AGAP1: variants seen among roughly 807,000 people sequenced by gnomAD.
AGAP1 encodes arf-GAP with GTPase, ANK repeat and PH domain-containing protein 1.
A neutral mutation model predicts 105.3 loss-of-function variants in AGAP1; 29 were observed. The observed-to-expected ratio is 0.28, with a 90% CI of 0.21 to 0.38. AGAP1 has a LOEUF of 0.38. AGAP1 is among the 10% of genes least tolerant of loss of function. AGAP1 has a pLI of 1.00. For synonymous variants in AGAP1, 509 were observed against 485.9 expected, an observed-to-expected ratio of 1.05 and a Z score of -0.63; for missense variants, 998 against 1,165.1, an observed-to-expected ratio of 0.86 and a Z score of 2.09.
intron 16 of AGAP1, among the ~76,000 whole-genome samples, chr2:236,102,750 C>T (rs917979727): frequency 6.6e-6 from 1 of 151,936 alleles, no homozygotes; most frequent in Non-Finnish European, 1.5e-5. Context: ...GTGTCACTGG[C>T]GATTTTTCCT....
At chr2:235,956,223 C>T (rs2053942850) in intron 12 of AGAP1, among the ~76,000 whole-genome samples, 1 of 152,170 alleles carries the variant, frequency 6.6e-6, no homozygotes, top group Non-Finnish European at 1.5e-5. Flanking sequence ...AAAATGATTT[C>T]ATTTCCACCT....
chr2:235,818,500 T>G (rs1255721742), intron 9 of AGAP1, among the ~76,000 whole-genome samples: 1 of 152,194 alleles, frequency 6.6e-6, no homozygotes, highest in Non-Finnish European at 1.5e-5. Flanking sequence ...TAGAGTGCAA[T>G]GGCATGATCT....
intron 1 of AGAP1, among the ~76,000 whole-genome samples, chr2:235,652,232 C>A (rs999432851): frequency 6.6e-6 from 1 of 152,136 alleles, no homozygotes; most frequent in Non-Finnish European, 1.5e-5. Flanking sequence ...GGGAGCAGCC[C>A]ACCTGTCACT....
At position 235,905,392 on chromosome 2, in the gene AGAP1, A is replaced by G. The variant is rs1419304895; in HGVS notation, c.1156-3346A>G. On this transcript the variant is annotated intron_variant, in intron 10 of 17. Transcript: ENST00000304032. The surrounding 1 kb of genome is among the most constrained non-coding windows in gnomAD (Gnocchi z 4.2). ...CTTTGGTTTGGAAAGTTGGGTTTGC[A>G]TATTTTCAGTGGATATTAATGGAAG... Among the ~76,000 whole-genome samples the G allele has an allele frequency of 6.6e-6, 1 of 152,230 alleles. No homozygotes were observed. The highest frequency in any genetic ancestry group is 1.9e-4 in the East Asian group (1 of 5,194).
At chr2:235,802,322 A>G (rs1957533391) in intron 8 of AGAP1, among the ~76,000 whole-genome samples, 2 of 152,232 alleles carry the variant, frequency 1.3e-5, no homozygotes, top group African/African-American at 4.8e-5. Flanking sequence ...ACTCATTGTT[A>G]CAGTGACCAA....
rs938115035 is a variant in AGAP1, at chr2:236,001,231, G to A, written c.1645+32608G>A. 1.3e-5 allele frequency among the ~76,000 whole-genome samples: 2 copies of A among 152,230 alleles called. No homozygotes were observed. The highest frequency in any genetic ancestry group is 2.9e-5 in the Non-Finnish European group (2 of 68,038). ...GAAACCAAGAGAAAGGAAAGGGACAGGTCCTCCGGGGAGCCTTCATGGGGA... is the reference window on the plus strand; with the variant it reads ...GAAACCAAGAGAAAGGAAAGGGACAAGTCCTCCGGGGAGCCTTCATGGGGA... On this transcript the variant is annotated intron_variant, in intron 13 of 17. Coordinates refer to ENST00000304032, the MANE Select transcript of AGAP1 (RefSeq NM_001037131.3). This position sits in a 1 kb window ranked among gnomAD's most constrained non-coding sequence, Gnocchi z 4.7.
Position 235,608,001 on chromosome 2 carries a change from C to T in AGAP1, c.164-101178C>T, listed in dbSNP as rs1481378268. On this transcript the variant is annotated intron_variant, in intron 1 of 17. Transcript: ENST00000304032. The surrounding 1 kb of genome is among the most constrained non-coding windows in gnomAD (Gnocchi z 5.4). ...GGAAGTGCCTCAAGTGAGCGAGTGC[C>T]TGCTGTCTCAGACATGAGGTGGATG... Among the ~76,000 whole-genome samples, 1 of 152,174 alleles carries T rather than the reference C, an allele frequency of 6.6e-6. No individual in the cohort carries two copies. Among genetic ancestry groups the T allele is most frequent in the Non-Finnish European group, 1.5e-5 (1 of 68,044 alleles).
chr2:235,832,593 A>G (rs557735991), intron 9 of AGAP1, among the ~76,000 whole-genome samples: 54 of 152,374 alleles, frequency 3.5e-4, no homozygotes, highest in South Asian at 3.3e-3. Flanking sequence ...TCTAGACTTC[A>G]TTGCAGCTAA....
intron 1 of AGAP1, among the ~76,000 whole-genome samples, chr2:235,687,774 A>G (rs987192513): frequency 1.3e-5 from 2 of 152,146 alleles, no homozygotes; most frequent in African/African-American, 4.8e-5. Context: ...GAGGAAGGTC[A>G]GATAATTTAA....
chr2:236,005,321 G>T lies in AGAP1; in HGVS notation c.1646-31240G>T, dbSNP rs1462110409. Among the ~76,000 whole-genome samples, 1 of 151,566 alleles carries T rather than the reference G, an allele frequency of 6.6e-6. No homozygotes were observed. The highest frequency in any genetic ancestry group is 2.4e-5 in the African/African-American group (1 of 41,214). On this transcript the variant is annotated intron_variant, in intron 13 of 17. Coordinates refer to ENST00000304032, the MANE Select transcript of AGAP1 (RefSeq NM_001037131.3). This position sits in a 1 kb window ranked among gnomAD's most constrained non-coding sequence, Gnocchi z 4.1. ...CCACCGGCTAATTTTTTTTATTTTT[G>T]GTAGAAACGTTGTTTCACCATGTTG...
rs776271645 is a variant in AGAP1, at chr2:235,620,673, C to T, written c.164-88506C>T. Among the ~76,000 whole-genome samples, 7 of 152,166 alleles carry T rather than the reference C, an allele frequency of 4.6e-5. No homozygotes were observed. Among genetic ancestry groups the T allele is most frequent in the Non-Finnish European group, 1.0e-4 (7 of 68,040 alleles). ...TTCCCCATAAACCCCAGCTCCCTGA[C>T]ATGTCTGGTGTCTCTCTCTCCCCAC... On this transcript the variant is annotated intron_variant, in intron 1 of 17. Transcript: ENST00000304032. The surrounding 1 kb of genome is among the most constrained non-coding windows in gnomAD (Gnocchi z 4.5).
chr2:235,519,755 A>G (rs563896283), intron 1 of AGAP1, among the ~76,000 whole-genome samples: 1 of 152,174 alleles, frequency 6.6e-6, no homozygotes, highest in South Asian at 2.1e-4. Flanking sequence ...TCCTGTATAT[A>G]CCCTGCCACC....
chr2:235,557,469 A>G lies in AGAP1; in HGVS notation c.163+62620A>G, dbSNP rs981269821. Reference sequence around the variant, plus strand: ...GGTAAAAGGCATGAAGTCTGAGTTCATTCCGAAGATTCTGGCTTTTGAGAA... The same window carrying G: ...GGTAAAAGGCATGAAGTCTGAGTTCGTTCCGAAGATTCTGGCTTTTGAGAA... On this transcript the variant is annotated intron_variant, in intron 1 of 17. Coordinates refer to ENST00000304032, the MANE Select transcript of AGAP1 (RefSeq NM_001037131.3). This position sits in a 1 kb window ranked among gnomAD's most constrained non-coding sequence, Gnocchi z 4.7. Among the ~76,000 whole-genome samples the G allele has an allele frequency of 2.0e-5, 3 of 152,242 alleles. No homozygotes were observed. Among genetic ancestry groups the G allele is most frequent in the Admixed American group, 6.5e-5 (1 of 15,290 alleles).
At chr2:235,812,241 GC>G (rs1958185173) in intron 9 of AGAP1, among the ~76,000 whole-genome samples, 1 of 152,138 alleles carries the variant, frequency 6.6e-6, no homozygotes, top group Admixed American at 6.5e-5. Flanking sequence ...AGCTGTGAGA[GC>G]AGTCATTTCC....
chr2:235,713,375 C>G (rs1950946054), intron 2 of AGAP1, among the ~76,000 whole-genome samples: 1 of 152,192 alleles, frequency 6.6e-6, no homozygotes, highest in South Asian at 2.1e-4. Context: ...TAGAATCTGT[C>G]CACACAGCCT....
At chr2:235,536,406 TACAC>T (rs71300670) in intron 1 of AGAP1, among the ~76,000 whole-genome samples, 2 of 3,950 alleles carry the variant, frequency 5.1e-4, no homozygotes, top group Non-Finnish European at 3.5e-4. Flanking sequence ...TGTGGCATCC[TACAC>T]ACACACACAC....
In AGAP1 at chr2:235,611,844, C is replaced by A. The variant is rs1389672897; in HGVS notation, c.164-97335C>A. The stretch of plus-strand genomic sequence containing the variant: ...AGATTTACATAGGAGACAAAGAAAT[C>A]CTTCCCTCCCTGTTCCAGTTGTGGA... On this transcript the variant is annotated intron_variant, in intron 1 of 17. Transcript: ENST00000304032. The surrounding 1 kb of genome is among the most constrained non-coding windows in gnomAD (Gnocchi z 5.0). Among the ~76,000 whole-genome samples, 1 of 152,164 alleles carries A rather than the reference C, an allele frequency of 6.6e-6. No homozygotes were observed. The highest frequency in any genetic ancestry group is 1.5e-5 in the Non-Finnish European group (1 of 68,028).
intron 6 of AGAP1, among the ~76,000 whole-genome samples, chr2:235,782,258 T>C (rs1352603540): frequency 7.4e-5 from 3 of 40,720 alleles, no homozygotes; most frequent in Non-Finnish European, 2.0e-4. Flanking sequence ...TCCTGCCCAT[T>C]TTTTTTTTTT....
intron 12 of AGAP1, among the ~76,000 whole-genome samples, chr2:235,952,404 CT>C (rs2053776149): frequency 6.6e-6 from 1 of 152,020 alleles, no homozygotes; most frequent in Non-Finnish European, 1.5e-5. Context: ...AATATGCAGA[CT>C]TTTTTCCTGT....
Sources: allele counts gnomAD v4.1 joint callset (sites outside exome capture counted in the v4.1 genomes callset), GRCh38; gene constraint gnomAD v4.1.1; non-coding constraint Gnocchi (gnomAD v3.1); transcripts MANE v1.5; gene names NCBI Gene and HGNC (gene_info 2026-07-23, HGNC 2026-07-21).